ST6GALNAC3: variants seen among roughly 807,000 people sequenced by gnomAD.
ST6GALNAC3 encodes alpha-N-acetylgalactosaminide alpha-2,6-sialyltransferase 3.
Under a neutral mutation model 32.7 loss-of-function variants are expected in ST6GALNAC3, and 25 were observed. That is an observed-to-expected ratio of 0.76 (90% CI 0.56 to 1.07). ST6GALNAC3 has a LOEUF of 1.07. ST6GALNAC3 is among the 50% of genes least tolerant of loss of function. The probability of loss-of-function intolerance (pLI) is 0.00; values close to 1 mark genes in which losing one functional copy is unlikely to be tolerated. For missense variants in ST6GALNAC3, 355 were observed against 382.4 expected, an observed-to-expected ratio of 0.93 and a Z score of 0.60; for synonymous variants, 129 against 133.1, an observed-to-expected ratio of 0.97 and a Z score of 0.21.
chr1:76,471,923 G>A (rs1659058288), intron 3 of ST6GALNAC3, among the ~76,000 whole-genome samples: 1 of 151,036 alleles, frequency 6.6e-6, no homozygotes, highest in Non-Finnish European at 1.5e-5. Flanking sequence ...CTATGCTATT[G>A]AGCCATTGCT....
At chr1:76,600,806 A>G (rs910421590) in intron 3 of ST6GALNAC3, among the ~76,000 whole-genome samples, 3 of 152,222 alleles carry the variant, frequency 2.0e-5, no homozygotes, top group Non-Finnish European at 4.4e-5. Context: ...CCATTTATCT[A>G]ATGTATTTTT....
intron 3 of ST6GALNAC3, among the ~76,000 whole-genome samples, chr1:76,540,988 G>GGACC (rs1398463248): frequency 3.9e-5 from 6 of 152,096 alleles, no homozygotes; most frequent in Admixed American, 2.6e-4. Context: ...GCATAGAAAG[G>GGACC]GACCCCTAAG....
intron 1 of ST6GALNAC3, among the ~76,000 whole-genome samples, chr1:76,192,510 C>T (rs1653955791): frequency 6.6e-6 from 1 of 152,170 alleles, no homozygotes; most frequent in Non-Finnish European, 1.5e-5. Context: ...TTTATTATCT[C>T]AACCCACAGC....
intron 2 of ST6GALNAC3, among the ~76,000 whole-genome samples, chr1:76,359,747 A>G (rs984413231): frequency 6.6e-6 from 1 of 152,208 alleles, no homozygotes; most frequent in African/African-American, 2.4e-5. Context: ...TGGTGAGACA[A>G]TTTGAGGCTA....
chr1:76,481,114 C>T (rs1659695074), intron 3 of ST6GALNAC3, among the ~76,000 whole-genome samples: 1 of 151,986 alleles, frequency 6.6e-6, no homozygotes, highest in African/African-American at 2.4e-5. Flanking sequence ...AATTATTTTC[C>T]ATTTCTAACA....
intron 1 of ST6GALNAC3, among the ~76,000 whole-genome samples, chr1:76,142,507 T>C (rs1050717806): frequency 3.9e-5 from 6 of 152,136 alleles, no homozygotes; most frequent in African/African-American, 1.4e-4. Flanking sequence ...CTTTTCATGA[T>C]AGGTGTGAAG....
At chr1:76,493,825 A>C (rs960583572) in intron 3 of ST6GALNAC3, among the ~76,000 whole-genome samples, 1 of 152,114 alleles carries the variant, frequency 6.6e-6, no homozygotes, top group Non-Finnish European at 1.5e-5. Flanking sequence ...ATCTTTTTCA[A>C]ATTGGAAGCA....
chr1:76,185,010 TTA>T (rs1653462342), intron 1 of ST6GALNAC3, among the ~76,000 whole-genome samples: 2 of 152,288 alleles, frequency 1.3e-5, no homozygotes, highest in East Asian at 3.9e-4. Flanking sequence ...CCTAGTTATT[TTA>T]AAGGTAGCAC....
chr1:76,435,708 C>T (rs1656091970), intron 3 of ST6GALNAC3, among the ~76,000 whole-genome samples: 1 of 152,026 alleles, frequency 6.6e-6, no homozygotes. Flanking sequence ...AGGATTTAGA[C>T]AATATTTCAG....
At chr1:76,597,883 C>T (rs982528661) in intron 3 of ST6GALNAC3, among the ~76,000 whole-genome samples, 10 of 152,082 alleles carry the variant, frequency 6.6e-5, no homozygotes, top group East Asian at 5.8e-4. Context: ...GTCTCCTCTC[C>T]GCCAGGCCCT....
Position 76,630,973 on chromosome 1 carries a change from TTTA to T in ST6GALNAC3, c.*2170_*2172del, listed in dbSNP as rs1276595903. 6 of 985,640 alleles carry T rather than the reference TTTA, an allele frequency of 6.1e-6. No homozygotes were observed. In the East Asian group the frequency reaches 4.5e-4, roughly 75 times the overall value. The allele number at this position is 985,640 out of a possible 1,614,324, so 61.1% of individuals were successfully genotyped here. A position where few individuals can be genotyped will look rare whatever the true frequency, so the allele number is the denominator to read the frequency against. On this transcript the variant is annotated 3_prime_UTR_variant, in exon 5 of 5. Transcript: ENST00000328299. The stretch of plus-strand genomic sequence containing the variant: ...AGAATGGCTTGGGACATGAACTTAA[TTTA>T]TTTAGTTTTCTAATAAATGAAGGGC...
At position 76,633,985 on chromosome 1, in the gene ST6GALNAC3, G is replaced by C. The variant is rs1486088257; in HGVS notation, c.*5179G>C. On this transcript the variant is annotated 3_prime_UTR_variant, in exon 5 of 5. Coordinates refer to ENST00000328299, the MANE Select transcript of ST6GALNAC3 (RefSeq NM_152996.4). ...ATTCCATGTAAATTGCTAAGGCATC[G>C]AATCAGAACTGTCCTTGGGCGTTGT... 1 of 179,676 alleles carries C rather than the reference G, an allele frequency of 5.6e-6. No individual in the cohort carries two copies. The highest frequency in any genetic ancestry group is 1.1e-5 in the Non-Finnish European group (1 of 93,486). The allele number at this position is 179,676 out of a possible 1,614,324, so 11.1% of individuals were successfully genotyped here. A position where few individuals can be genotyped will look rare whatever the true frequency, so the allele number is the denominator to read the frequency against.
At chr1:76,337,362 G>A (rs550876887) in intron 2 of ST6GALNAC3, among the ~76,000 whole-genome samples, 1 of 152,322 alleles carries the variant, frequency 6.6e-6, no homozygotes, top group South Asian at 2.1e-4. Flanking sequence ...GGAAGCTACT[G>A]TAAGATTAGA....
chr1:76,513,480 T>G (rs898240465), intron 3 of ST6GALNAC3, among the ~76,000 whole-genome samples: 1 of 152,176 alleles, frequency 6.6e-6, no homozygotes, highest in Non-Finnish European at 1.5e-5. Flanking sequence ...TTGTGTTCCA[T>G]TGATCTGTGT....
intron 2 of ST6GALNAC3, among the ~76,000 whole-genome samples, chr1:76,385,375 A>G (rs1317284519): frequency 6.6e-6 from 1 of 152,120 alleles, no homozygotes; most frequent in Non-Finnish European, 1.5e-5. Context: ...TTCCATCTAT[A>G]TTACATGTAG....
chr1:76,183,196 C>T (rs934068926), intron 1 of ST6GALNAC3, among the ~76,000 whole-genome samples: 1 of 152,144 alleles, frequency 6.6e-6, no homozygotes, highest in African/African-American at 2.4e-5. Flanking sequence ...TAGCTCTGCT[C>T]TTTGTAGATT....
intron 3 of ST6GALNAC3, among the ~76,000 whole-genome samples, chr1:76,546,214 A>G (rs1164644907): frequency 6.6e-6 from 1 of 152,186 alleles, no homozygotes; most frequent in African/African-American, 2.4e-5. Context: ...GTCCTGCGTG[A>G]TTTGGACCCT....
Position 76,634,158 on chromosome 1 carries a change from C to T in ST6GALNAC3, c.*5352C>T, listed in dbSNP as rs1649431487. 1 of 984,664 alleles carries T rather than the reference C, an allele frequency of 1.0e-6. No homozygotes were observed. The highest frequency in any genetic ancestry group is 1.2e-6 in the Non-Finnish European group (1 of 829,728). 61.0% of individuals were successfully genotyped at this position (984,664 alleles called of 1,614,324 possible). On this transcript the variant is annotated 3_prime_UTR_variant, in exon 5 of 5. Transcript: ENST00000328299. ...TCTCTTTTTGTTCACGCCTTGAAGA[C>T]TTCAGAAAAATAGAAGCTCACTTCC...
chr1:76,366,690 A>G (rs1218012680), intron 2 of ST6GALNAC3, among the ~76,000 whole-genome samples: 1 of 130,822 alleles, frequency 7.6e-6, no homozygotes, highest in Middle Eastern at 3.3e-3. Context: ...CTTTGTAAAA[A>G]CTGCCTCACA....
Sources: gnomAD v4.1 joint callset for allele counts (sites outside exome capture counted in the v4.1 genomes callset) on GRCh38, gnomAD v4.1.1 for gene constraint, MANE v1.5 for transcripts, NCBI Gene and HGNC (gene_info 2026-07-23, HGNC 2026-07-21) for gene names.